Variants in TPR observed in about 807,000 individuals in gnomAD.
TPR encodes translocated promoter region, nuclear basket protein, also known as nucleoprotein TPR.
A neutral mutation model predicts 316.1 loss-of-function variants in TPR; 51 were observed. The ratio of observed to expected loss-of-function variants is 0.16; its 90% CI spans 0.13 to 0.20. The LOEUF is 0.20. Ranked by LOEUF, TPR falls within the 10% of genes least tolerant of loss-of-function variation. The pLI is 1.00. For synonymous variants in TPR, 981 were observed against 914.7 expected (o/e 1.07, Z -1.31); for missense variants, 2,272 against 2,754.8 (o/e 0.82, Z 3.92).
Position 186,318,529 on chromosome 1 carries a change from A to T in TPR, c.6739T>A (p.Ser2247Thr). The change falls in exon 48 of 51, where the codon TCC (serine) becomes ACC (threonine). Residue 2247 changes from serine (S) to threonine (T), a missense_variant. Around this residue, in one of 10 missense-constraint regions of TPR, gnomAD observed 123 missense variants for 142.3 expected, o/e 0.86. Transcript: ENST00000367478. ...ASQSVPMVTT[S>T]TGTLSTTNET... ...TTTGTTGTAGATAAAGTGCCAGTGG[A>T]TGTAGTCACCATTGGAACAGATTGA... 6.2e-7 allele frequency: 1 copy of T among 1,614,170 alleles called. No homozygotes were observed. The highest frequency in any genetic ancestry group is 8.5e-7 in the Non-Finnish European group (1 of 1,180,002).
In TPR at chr1:186,356,347, A is replaced by G. The variant is rs1204521795; in HGVS notation, c.1827T>C (p.Arg609=). ...HQMQLVDSIV[R]QRDMYRILLS... ...ATAAAATACGGTACATATCACGCTG[A>G]CGAACTATGGAATCAACAAGCTGCA... Residue 609 remains arginine (R), a synonymous_variant, in exon 15 of 51, where the codon CGT becomes CGC. Coordinates refer to ENST00000367478, the MANE Select transcript of TPR (RefSeq NM_003292.3). 6.2e-7 allele frequency: 1 copy of G among 1,613,742 alleles called. No homozygotes were observed. Among genetic ancestry groups the G allele is most frequent in the Non-Finnish European group, 8.5e-7 (1 of 1,179,830 alleles).
chr1:186,364,290 T>C (rs551195621), intron 4 of TPR, among the ~76,000 whole-genome samples: 3 of 151,916 alleles, frequency 2.0e-5, no homozygotes, highest in Non-Finnish European at 2.9e-5. Flanking sequence ...TTTTAAAGAG[T>C]TGAATTGCTT....
Position 186,312,123 on chromosome 1 carries a change from A to G in TPR, c.*1848T>C, listed in dbSNP as rs1657293877. The G allele has an allele frequency of 6.5e-7, 1 of 1,530,318 alleles. No homozygotes were observed. The highest frequency in any genetic ancestry group is 1.4e-5 in the African/African-American group (1 of 72,850). The allele number at this position is 1,530,318 out of a possible 1,614,324, so 94.8% of individuals were successfully genotyped here. A position where few individuals can be genotyped will look rare whatever the true frequency, so the allele number is the denominator to read the frequency against. ...TAAAAGTTGTTTTCCACCTTTTCTG[A>G]GGGTATTAAAATTAATTTTCATTTT... is the stretch of plus-strand genomic sequence containing the variant. On this transcript the variant is annotated 3_prime_UTR_variant, in exon 51 of 51. Coordinates refer to ENST00000367478, the MANE Select transcript of TPR (RefSeq NM_003292.3).
At chr1:186,341,975 T>TA (rs1476407292) in intron 27 of TPR, 2 of 151,494 alleles carry the variant, frequency 1.3e-5, no homozygotes, top group Non-Finnish European at 2.9e-5. Context: ...TATTATAATT[T>TA]TTTTTTTTTT....
chr1:186,368,253 T>C (rs1659405005), intron 3 of TPR, among the ~76,000 whole-genome samples: 1 of 152,214 alleles, frequency 6.6e-6, no homozygotes, highest in Non-Finnish European at 1.5e-5. Flanking sequence ...ATCACTGTAT[T>C]TACACCTTAG....
At chr1:186,338,690 A>G (rs1442955634) in intron 30 of TPR, among the ~76,000 whole-genome samples, 1 of 152,196 alleles carries the variant, frequency 6.6e-6, no homozygotes, top group East Asian at 1.9e-4. Context: ...TATAAAAATC[A>G]TTCTTAGCTT....
intron 24 of TPR, 88 bp from the exon 25 acceptor site, chr1:186,344,666 TTAAA>T: frequency 1.0e-6 from 1 of 1,002,962 alleles, no homozygotes; most frequent in South Asian, 3.3e-5. Flanking sequence ...ATTGGACTTT[TTAAA>T]TAATAAAAGT....
chr1:186,351,950 T>C, intron 19 of TPR, 26 bp downstream of exon 19: 1 of 1,561,654 alleles, frequency 6.4e-7, no homozygotes, highest in East Asian at 2.3e-5. Context: ...ATACATTTTT[T>C]CTACATAGGC....
Position 186,312,750 on chromosome 1 carries a change from T to C in TPR, c.*1221A>G. On this transcript the variant is annotated 3_prime_UTR_variant, in exon 51 of 51. Transcript: ENST00000367478. Reference sequence around the variant, plus strand: ...TTGCCTTTTAATCTGGTATCTTTTATTAAACATGCCACTTACAGGTGTCCT... The same window carrying C: ...TTGCCTTTTAATCTGGTATCTTTTACTAAACATGCCACTTACAGGTGTCCT... The C allele has an allele frequency of 6.2e-7, 1 of 1,611,458 alleles. No homozygotes were observed. The highest frequency in any genetic ancestry group is 1.1e-5 in the South Asian group (1 of 91,038).
At chr1:186,323,455 T>G (rs1657826676) in intron 43 of TPR, among the ~76,000 whole-genome samples, 1 of 152,200 alleles carries the variant, frequency 6.6e-6, no homozygotes, top group South Asian at 2.1e-4. Context: ...TTGCTATGAC[T>G]ATAACCATTT....
chr1:186,338,149 C>T lies in TPR; in HGVS notation c.4246G>A (p.Asp1416Asn). Reference sequence around the variant, plus strand: ...ATATCAATTATTTTGGCATCTAAGTCCTTCTGGATGGTTTCCTTTTCAGTT... The same window carrying T: ...ATATCAATTATTTTGGCATCTAAGTTCTTCTGGATGGTTTCCTTTTCAGTT... Reference protein sequence around the residue: ...VRTEKETIQKDLDAKIIDIQE... With the variant: ...VRTEKETIQKNLDAKIIDIQE... The change falls in exon 31 of 51, where the codon GAC (aspartate) becomes AAC (asparagine). Residue 1416 changes from aspartate to asparagine, a missense_variant. Around this residue, in one of 10 missense-constraint regions of TPR, gnomAD observed 96 missense variants for 134.6 expected, o/e 0.71. Coordinates refer to ENST00000367478, the MANE Select transcript of TPR (RefSeq NM_003292.3). 1.2e-6 allele frequency: 2 copies of T among 1,612,854 alleles called. No homozygotes were observed. The highest frequency in any genetic ancestry group is 1.7e-4 in the Middle Eastern group (1 of 6,050).
intron 38 of TPR, 38 bp from the exon 39 acceptor site, chr1:186,331,619 G>A: frequency 7.2e-7 from 1 of 1,384,268 alleles, no homozygotes; most frequent in Non-Finnish European, 9.8e-7. Context: ...CCATATCAGT[G>A]TAGTAGATGA....
At chr1:186,349,938 A>C (rs1264551439) in intron 21 of TPR, among the ~76,000 whole-genome samples, 1 of 152,178 alleles carries the variant, frequency 6.6e-6, no homozygotes, top group Non-Finnish European at 1.5e-5. Flanking sequence ...CTTCAGAAAG[A>C]ATAATTTTTA....
Position 186,332,246 on chromosome 1 carries a change from C to T in TPR, c.5553G>A (p.Val1851=), listed in dbSNP as rs1280076610. 1 of 1,612,418 alleles carries T rather than the reference C, an allele frequency of 6.2e-7. No individual in the cohort carries two copies. Among genetic ancestry groups the T allele is most frequent in the South Asian group, 1.1e-5 (1 of 90,518 alleles). The stretch of plus-strand genomic sequence containing the variant: ...TCAACTTCTTTGGAAGAGGCATTTC[C>T]ACTGTATCATCAGAGACTTGGTCTG... The part of the protein sequence containing the change: ...EASDQVSDDT[V]EMPLPKKLKS... Residue 1851 remains valine (V), a synonymous_variant, in exon 38 of 51, where the codon GTG becomes GTA. Transcript: ENST00000367478.
rs751146292 is a variant in TPR, at chr1:186,362,385, A to C, written c.697-5T>G. ...TTGTTCTTCCAGTCTAGAAACCTAA[A>C]AACAAAAAATAGAGCAGGGGGAAAG... On this transcript the variant is annotated splice_polypyrimidine_tract_variant and splice_region_variant and intron_variant, in intron 6 of 50. Coordinates refer to ENST00000367478, the MANE Select transcript of TPR (RefSeq NM_003292.3). 6.2e-7 allele frequency: 1 copy of C among 1,606,974 alleles called. No individual in the cohort carries two copies. The highest frequency in any genetic ancestry group is 1.1e-5 in the South Asian group (1 of 90,864).
chr1:186,372,807 T>C (rs1659575050), intron 2 of TPR, among the ~76,000 whole-genome samples: 1 of 152,142 alleles, frequency 6.6e-6, no homozygotes, highest in Non-Finnish European at 1.5e-5. Flanking sequence ...GTAAGAAAAG[T>C]AAGAAAGAGA....
chr1:186,343,362 C>T lies in TPR; in HGVS notation c.3714G>A (p.Leu1238=), dbSNP rs751108148. 50 of 1,613,836 alleles carry T rather than the reference C, an allele frequency of 3.1e-5. No individual in the cohort carries two copies. Among genetic ancestry groups the T allele is most frequent in the Admixed American group, 2.8e-4 (17 of 60,010 alleles). Residue 1238 remains leucine (L), a synonymous_variant, in exon 27 of 51, where the codon CTG becomes CTA. Transcript: ENST00000367478. ...VELLERELQE[L]QDSLNAEREK... ...CCCTTTCAGCATTTAGACTATCTTG[C>T]AGTTCCTGCAGCTCTCTTTCTAAAA...
intron 14 of TPR, 31 bp from the exon 15 acceptor site, chr1:186,356,480 C>T: frequency 6.4e-7 from 1 of 1,569,548 alleles, no homozygotes; most frequent in Non-Finnish European, 8.7e-7. Context: ...ATTCACAGGA[C>T]TGAACTGAGA....
intron 21 of TPR, among the ~76,000 whole-genome samples, chr1:186,348,848 A>G (rs1658761636): frequency 6.6e-6 from 1 of 152,220 alleles, no homozygotes; most frequent in African/African-American, 2.4e-5. Flanking sequence ...TATTGTAAGT[A>G]CATAAAATAG....
Sources: allele counts gnomAD v4.1 joint callset (sites outside exome capture counted in the v4.1 genomes callset), GRCh38; gene constraint gnomAD v4.1.1; regional missense constraint gnomAD v4.1.1; transcripts MANE v1.5; gene names NCBI Gene and HGNC (gene_info 2026-07-23, HGNC 2026-07-21).